The following DGKD variants were observed in gnomAD, a reference collection of about 807,000 sequenced individuals.
The protein encoded by DGKD is DAG kinase delta.
DGKD carries 68 observed loss-of-function variants against 154.4 expected under a neutral mutation model. The ratio of observed to expected loss-of-function variants is 0.44; its 90% CI spans 0.36 to 0.54. The LOEUF (loss-of-function observed/expected upper bound fraction) is 0.54. Among genes scored for constraint, DGKD ranks in the 20% least tolerant of loss-of-function variants. DGKD has a pLI of 0.00. For missense variants in DGKD, 1,343 were observed against 1,593.6 expected (o/e 0.84, Z 2.68); for synonymous variants, 693 against 638.0 (o/e 1.09, Z -1.30).
At chr2:233,465,371 G>A (rs1401435336) in intron 27 of DGKD, among the ~76,000 whole-genome samples, 1 of 152,172 alleles carries the variant, frequency 6.6e-6, no homozygotes, top group Non-Finnish European at 1.5e-5. Flanking sequence ...ACGGGGGGAG[G>A]AAAGCATGTT....
Position 233,452,267 on chromosome 2 carries a change from G to A in DGKD, c.2264+207G>A, listed in dbSNP as rs960305307. Among the ~76,000 whole-genome samples the A allele has an allele frequency of 3.3e-5, 5 of 152,170 alleles. No homozygotes were observed. The highest frequency in any genetic ancestry group is 5.9e-5 in the Non-Finnish European group (4 of 68,034). ...CATCTGCTGCAGAGGCAAAGCGCACGCCTCCCATCTCCTTCCCAAGGTCCC... is the reference window on the plus strand; with the variant it reads ...CATCTGCTGCAGAGGCAAAGCGCACACCTCCCATCTCCTTCCCAAGGTCCC... On this transcript the variant is annotated intron_variant, in intron 18 of 29. Transcript: ENST00000264057. This position sits in a 1 kb window ranked among gnomAD's most constrained non-coding sequence, Gnocchi z 4.0.
In DGKD at chr2:233,421,790, C is replaced by A. The variant is rs1383447863; in HGVS notation, c.349-12590C>A. ...ACTCTCCATGCTGTGTAATTCACTT[C>A]TTTAATAAGTCTTTAATTTACTGCC... On this transcript the variant is annotated intron_variant, in intron 3 of 29. Coordinates refer to ENST00000264057, the MANE Select transcript of DGKD (RefSeq NM_152879.3). Among the ~76,000 whole-genome samples, 4 of 152,256 alleles carry A rather than the reference C, an allele frequency of 2.6e-5. No homozygotes were observed. The East Asian group carries it at 5.8e-4, about 22-fold the overall frequency.
In DGKD at chr2:233,384,658, C is replaced by A. The variant is rs1257879806; in HGVS notation, c.157-3599C>A. ...GATTCTCACATCTTTCTGAACATTC[C>A]CATGCCTGTGTCCATCTCTCCCCTG... On this transcript the variant is annotated intron_variant, in intron 1 of 29. Coordinates refer to ENST00000264057, the MANE Select transcript of DGKD (RefSeq NM_152879.3). Among the ~76,000 whole-genome samples the A allele has an allele frequency of 2.0e-5, 3 of 152,148 alleles. No individual in the cohort carries two copies. In the South Asian group the frequency reaches 6.2e-4, roughly 31 times the overall value.
At chr2:233,414,809 G>T (rs1030952876) in intron 3 of DGKD, among the ~76,000 whole-genome samples, 5 of 152,186 alleles carry the variant, frequency 3.3e-5, no homozygotes, top group Admixed American at 3.3e-4. Flanking sequence ...CTTCCATCCT[G>T]CAGGTGGATT....
In DGKD at chr2:233,459,908, G is replaced by T. The variant is rs1179116658; in HGVS notation, c.2829+17G>T. On this transcript the variant is annotated intron_variant, in intron 23 of 29. Transcript: ENST00000264057. This position sits in a 1 kb window ranked among gnomAD's most constrained non-coding sequence, Gnocchi z 5.7. ...AGAGACAGGGTAAGAGCGGCTGCCC[G>T]CGGTACCTGGGTGGGGTACAGGGCT... is the stretch of plus-strand genomic sequence containing the variant. 6.2e-7 allele frequency: 1 copy of T among 1,611,310 alleles called. No homozygotes were observed.
rs1390321437 is a variant in DGKD, at chr2:233,471,450, A to G, written c.*1990A>G. ...TGGGAACCTGTCCCGCAGTCCCTGC[A>G]TGACCATTGGCCCTGCTGGCCTGGC... is the stretch of plus-strand genomic sequence containing the variant. On this transcript the variant is annotated 3_prime_UTR_variant, in exon 30 of 30. Coordinates refer to ENST00000264057, the MANE Select transcript of DGKD (RefSeq NM_152879.3). 1 of 152,382 alleles carries G rather than the reference A, an allele frequency of 6.6e-6. No homozygotes were observed. Among genetic ancestry groups the G allele is most frequent in the South Asian group, 2.1e-4 (1 of 4,834 alleles). 9.4% of individuals were successfully genotyped at this position (152,382 alleles called of 1,614,324 possible).
chr2:233,450,601 CCATGGCCACTG>C (rs1160675338), intron 16 of DGKD, among the ~76,000 whole-genome samples: 1 of 152,156 alleles, frequency 6.6e-6, no homozygotes, highest in Non-Finnish European at 1.5e-5. Flanking sequence ...CAGAACTGAC[CCATGGCCACTG>C]CATGGCCACC....
Position 233,438,164 on chromosome 2 carries a change from C to T in DGKD, c.923-53C>T. The T allele has an allele frequency of 6.3e-7, 1 of 1,588,284 alleles. No individual in the cohort carries two copies. The highest frequency in any genetic ancestry group is 8.6e-7 in the Non-Finnish European group (1 of 1,163,610). On this transcript the variant is annotated intron_variant, in intron 8 of 29. Transcript: ENST00000264057. This position sits in a 1 kb window ranked among gnomAD's most constrained non-coding sequence, Gnocchi z 4.1. The stretch of plus-strand genomic sequence containing the variant: ...CTGCTGCTGATTCCATCAGTGGTGC[C>T]CTCAGCGTCTTCCGTGGCCTATATA...
At chr2:233,363,618 C>T (rs1444550524) in intron 1 of DGKD, among the ~76,000 whole-genome samples, 1 of 152,224 alleles carries the variant, frequency 6.6e-6, no homozygotes, top group Non-Finnish European at 1.5e-5. Context: ...CACATTCACT[C>T]ACCAGTCATT....
chr2:233,428,079 AC>A (rs1183809457), intron 3 of DGKD, among the ~76,000 whole-genome samples: 2 of 151,954 alleles, frequency 1.3e-5, no homozygotes, highest in Non-Finnish European at 2.9e-5. Flanking sequence ...ACCCTCCCCT[AC>A]CAGAGGTTGG....
chr2:233,428,307 C>T (rs1192297218), intron 3 of DGKD, among the ~76,000 whole-genome samples: 1 of 152,090 alleles, frequency 6.6e-6, no homozygotes, highest in Non-Finnish European at 1.5e-5. Flanking sequence ...CAGTTGTGTC[C>T]CCTCTGTGGG....
chr2:233,361,667 C>T (rs180702492), intron 1 of DGKD, among the ~76,000 whole-genome samples: 72 of 152,364 alleles, frequency 4.7e-4, no homozygotes, highest in African/African-American at 1.7e-3. Context: ...TTCTAGTCCA[C>T]ACTGGCCAGA....
In DGKD at chr2:233,354,518, C is replaced by G. The variant is rs1701444009; in HGVS notation, c.-1C>G. 3.0e-6 allele frequency: 3 copies of G among 986,212 alleles called. No homozygotes were observed. The highest frequency in any genetic ancestry group is 6.3e-5 in the Admixed American group (1 of 15,750). The allele number at this position is 986,212 out of a possible 1,614,324, so 61.1% of individuals were successfully genotyped here. A position where few individuals can be genotyped will look rare whatever the true frequency, so the allele number is the denominator to read the frequency against. ...CGCGGTGCGCGCGCTGGCCCGGCAG[C>G]ATGGCGGCGGCGGCGGGCGCCCCTC... On this transcript the variant is annotated 5_prime_UTR_variant, in exon 1 of 30. Coordinates refer to ENST00000264057, the MANE Select transcript of DGKD (RefSeq NM_152879.3). This position sits in a 1 kb window ranked among gnomAD's most constrained non-coding sequence, Gnocchi z 4.8.
chr2:233,441,853 A>T lies in DGKD; in HGVS notation c.1086-34A>T. ...GCCTGTCATTTGTCCTGTGGAATGGATGTCATTTCACGGCCTTTCTCTTTT... is the reference window on the plus strand; with the variant it reads ...GCCTGTCATTTGTCCTGTGGAATGGTTGTCATTTCACGGCCTTTCTCTTTT... On this transcript the variant is annotated intron_variant, in intron 9 of 29. Transcript: ENST00000264057. The surrounding 1 kb of genome is among the most constrained non-coding windows in gnomAD (Gnocchi z 5.6). The T allele has an allele frequency of 6.3e-6, 9 of 1,422,804 alleles. No homozygotes were observed. Among genetic ancestry groups the T allele is most frequent in the South Asian group, 1.2e-5 (1 of 85,196 alleles). 88.1% of individuals were successfully genotyped at this position (1,422,804 alleles called of 1,614,324 possible).
intron 3 of DGKD, among the ~76,000 whole-genome samples, chr2:233,413,387 A>C (rs1355451009): frequency 6.6e-6 from 1 of 150,520 alleles, no homozygotes; most frequent in South Asian, 2.1e-4. Flanking sequence ...AGTTTTTGAT[A>C]ATACCCTGTG....
chr2:233,442,077 C>T lies in DGKD; in HGVS notation c.1194+82C>T, dbSNP rs942438385. The T allele has an allele frequency of 2.5e-6, 3 of 1,193,054 alleles. No homozygotes were observed. The Admixed American group carries it at 5.3e-5, about 21-fold the overall frequency. 73.9% of individuals were successfully genotyped at this position (1,193,054 alleles called of 1,614,324 possible). On this transcript the variant is annotated intron_variant, in intron 10 of 29. Coordinates refer to ENST00000264057, the MANE Select transcript of DGKD (RefSeq NM_152879.3). Reference sequence around the variant, plus strand: ...AAATCATGCAGTCTCAGCTCCTGTTCATCTCGGAGCACCTGTTCTCAGGCC... The same window carrying T: ...AAATCATGCAGTCTCAGCTCCTGTTTATCTCGGAGCACCTGTTCTCAGGCC...
intron 3 of DGKD, among the ~76,000 whole-genome samples, chr2:233,421,538 C>T (rs1374959600): frequency 1.3e-5 from 2 of 152,282 alleles, no homozygotes; most frequent in African/African-American, 2.4e-5. Flanking sequence ...GCATGGCCCT[C>T]TGTGGTCCTG....
At chr2:233,413,957 A>G (rs959639295) in intron 3 of DGKD, among the ~76,000 whole-genome samples, 3 of 152,260 alleles carry the variant, frequency 2.0e-5, no homozygotes, top group Non-Finnish European at 4.4e-5. Context: ...AAGGAAAGCC[A>G]TTGTAAGCTT....
chr2:233,380,409 C>T (rs1006122152), intron 1 of DGKD, among the ~76,000 whole-genome samples: 1 of 152,160 alleles, frequency 6.6e-6, no homozygotes, highest in Non-Finnish European at 1.5e-5. Context: ...TCATCAGGAC[C>T]CACACTGGCT....
Sources: allele counts gnomAD v4.1 joint callset (sites outside exome capture counted in the v4.1 genomes callset), GRCh38; gene constraint gnomAD v4.1.1; non-coding constraint Gnocchi (gnomAD v3.1); transcripts MANE v1.5; gene names NCBI Gene and HGNC (gene_info 2026-07-23, HGNC 2026-07-21).